Variants in PCDHGA3 observed in about 807,000 individuals in gnomAD.
PCDHGA3 encodes protocadherin gamma subfamily A, 3.
PCDHGA3 carries 40 observed loss-of-function variants against 58.5 expected under a neutral mutation model. The ratio of observed to expected loss-of-function variants is 0.68; its 90% CI spans 0.53 to 0.89. The LOEUF is 0.89. Ranked by LOEUF, PCDHGA3 falls within the 40% of genes least tolerant of loss-of-function variation. PCDHGA3 has a pLI of 0.00. For missense variants in PCDHGA3, 1,223 were observed against 1,195.9 expected, an observed-to-expected ratio of 1.02 and a Z score of -0.33; for synonymous variants, 530 against 525.7, an observed-to-expected ratio of 1.01 and a Z score of -0.11.
chr5:141,492,386 G>C (rs1343104703), intron 1 of PCDHGA3, among the ~76,000 whole-genome samples: 1 of 152,202 alleles, frequency 6.6e-6, no homozygotes, highest in African/African-American at 2.4e-5. Context: ...GCCTGTTCCG[G>C]TCCACTCGCA....
intron 1 of PCDHGA3, chr5:141,371,288 G>A (rs780665474): frequency 3.1e-6 from 5 of 1,613,992 alleles, no homozygotes; most frequent in Non-Finnish European, 4.2e-6. Flanking sequence ...ACAGTAAAAC[G>A]GGGGAACTCA....
chr5:141,358,336 A>G (rs1207700100), intron 1 of PCDHGA3, among the ~76,000 whole-genome samples: 1 of 152,206 alleles, frequency 6.6e-6, no homozygotes, highest in African/African-American at 2.4e-5. Context: ...CTATTGTTGG[A>G]TCTGGACTGA....
chr5:141,392,857 T>TGCTGTGC, intron 1 of PCDHGA3: 1 of 1,612,536 alleles, frequency 6.2e-7, no homozygotes, highest in Non-Finnish European at 8.5e-7. Flanking sequence ...GAGCTGATCC[T>TGCTGTGC]GCTGTGCGCG....
At chr5:141,355,153 T>C in intron 1 of PCDHGA3, 1 of 1,549,638 alleles carries the variant, frequency 6.5e-7, no homozygotes, top group Non-Finnish European at 8.7e-7. Flanking sequence ...TCCTCAGGCC[T>C]CGACAGAGGG....
chr5:141,362,699 T>C, intron 1 of PCDHGA3: 2 of 1,033,006 alleles, frequency 1.9e-6, no homozygotes, highest in Non-Finnish European at 2.7e-6. Flanking sequence ...TCTAACTGAA[T>C]TTTAAGTGTT....
intron 1 of PCDHGA3, among the ~76,000 whole-genome samples, chr5:141,474,379 T>A (rs1451968368): frequency 6.6e-6 from 1 of 152,208 alleles, no homozygotes; most frequent in Non-Finnish European, 1.5e-5. Flanking sequence ...GAGGAGGGCA[T>A]TTCTGCATTT....
intron 1 of PCDHGA3, chr5:141,392,917 T>C: frequency 2.5e-6 from 4 of 1,613,922 alleles, no homozygotes; most frequent in Non-Finnish European, 3.4e-6. Context: ...CGCTACTCTG[T>C]GCCAGAAGAG....
At chr5:141,398,421 G>A in intron 1 of PCDHGA3, 2 of 1,510,606 alleles carry the variant, frequency 1.3e-6, no homozygotes, top group Non-Finnish European at 1.8e-6. Context: ...TATGCGGGAA[G>A]AAGCCAGCTT....
At chr5:141,500,223 T>G (rs1034982746) in intron 2 of PCDHGA3, among the ~76,000 whole-genome samples, 16 of 145,318 alleles carry the variant, frequency 1.1e-4, no homozygotes, top group African/African-American at 3.4e-4. Context: ...TTTATTTATT[T>G]ATTGATACGT....
chr5:141,352,459 C>T (rs1408846500), intron 1 of PCDHGA3: 3 of 1,613,914 alleles, frequency 1.9e-6, no homozygotes, highest in East Asian at 4.5e-5. Context: ...AGTCTGGGCC[C>T]GGGGTTCCTC....
At chr5:141,433,225 GCT>G in intron 1 of PCDHGA3, 1 of 1,517,048 alleles carries the variant, frequency 6.6e-7, no homozygotes, top group African/African-American at 1.4e-5. Context: ...TTTTTTAATT[GCT>G]CTGTCTCCCA....
chr5:141,421,931 A>T, intron 1 of PCDHGA3: 1 of 1,613,556 alleles, frequency 6.2e-7, no homozygotes, highest in East Asian at 2.2e-5. Context: ...GTGGTCCTCG[A>T]TGTAAATGAT....
At chr5:141,375,391 A>C in intron 1 of PCDHGA3, 1 of 1,613,938 alleles carries the variant, frequency 6.2e-7, no homozygotes, top group Non-Finnish European at 8.5e-7. Flanking sequence ...CTACAGAAAC[A>C]ATCATCTCTC....
At chr5:141,422,473 G>A (rs2096650443) in intron 1 of PCDHGA3, 7 of 1,613,740 alleles carry the variant, frequency 4.3e-6, no homozygotes, top group Non-Finnish European at 5.1e-6. Context: ...CAGGGAGTTG[G>A]TCCAGAGCTA....
At chr5:141,492,509 C>T (rs1276866000) in intron 1 of PCDHGA3, among the ~76,000 whole-genome samples, 1 of 152,216 alleles carries the variant, frequency 6.6e-6, no homozygotes, top group African/African-American at 2.4e-5. Context: ...CCGGAGCCTC[C>T]TCTCACCTCT....
At chr5:141,397,753 A>G (rs1052800196) in intron 1 of PCDHGA3, among the ~76,000 whole-genome samples, 9 of 152,266 alleles carry the variant, frequency 5.9e-5, no homozygotes, top group African/African-American at 9.6e-5. Flanking sequence ...AGAAGTTGTT[A>G]TAATTTTTTA....
rs111388524 is a variant in PCDHGA3, at chr5:141,376,009, A to C, written c.2424+29552A>C. On this transcript the variant is annotated intron_variant, in intron 1 of 3. Transcript: ENST00000253812. ...ACAGAGACGCGCTCAAGCAGAGCCTAGTGGTGGCCGTCCAGGACCACGGCC... is the reference window on the plus strand; with the variant it reads ...ACAGAGACGCGCTCAAGCAGAGCCTCGTGGTGGCCGTCCAGGACCACGGCC... 13,464 of 1,612,162 alleles carry C rather than the reference A, an allele frequency of 8.4e-3. 162 individuals carry two copies. The highest frequency in any genetic ancestry group is 0.039 in the African/African-American group (2,956 of 74,982).
At position 141,476,311 on chromosome 5, in the gene PCDHGA3, G is replaced by C. The variant is rs772962568; in HGVS notation, c.2425-18496G>C. ...ATCTCGGTAGCCTCTCAGCCCGCAGGTTCCGGGTGGTGTCTGGAGCTAGCC... is the reference window on the plus strand; with the variant it reads ...ATCTCGGTAGCCTCTCAGCCCGCAGCTTCCGGGTGGTGTCTGGAGCTAGCC... On this transcript the variant is annotated intron_variant, in intron 1 of 3. Transcript: ENST00000253812. The surrounding 1 kb of genome is among the most constrained non-coding windows in gnomAD (Gnocchi z 7.6). 18 of 1,613,680 alleles carry C rather than the reference G, an allele frequency of 1.1e-5. No homozygotes were observed. Among genetic ancestry groups the C allele is most frequent in the African/African-American group, 2.7e-5 (2 of 74,766 alleles).
rs770638374 is a variant in PCDHGA3 at position 141,409,524 on chromosome 5, A to G, written c.2424+63067A>G. On this transcript the variant is annotated intron_variant, in intron 1 of 3. Coordinates refer to ENST00000253812, the MANE Select transcript of PCDHGA3 (RefSeq NM_018916.4). ...TCTTCCAGTAGAAGCATCACCTTGTATGTCGCTGACATCAACGACAACGCC... is the reference window on the plus strand; with the variant it reads ...TCTTCCAGTAGAAGCATCACCTTGTGTGTCGCTGACATCAACGACAACGCC... 11 of 1,613,972 alleles carry G rather than the reference A, an allele frequency of 6.8e-6. No homozygotes were observed. In the South Asian group the frequency reaches 1.1e-4, roughly 16 times the overall value.
Sources: allele counts gnomAD v4.1 joint callset (sites outside exome capture counted in the v4.1 genomes callset), GRCh38; gene constraint gnomAD v4.1.1; non-coding constraint Gnocchi (gnomAD v3.1); transcripts MANE v1.5; gene names NCBI Gene and HGNC (gene_info 2026-07-23, HGNC 2026-07-21).